KCNIP4: variants seen among roughly 807,000 people sequenced by gnomAD.
The protein encoded by KCNIP4 is Kv channel-interacting protein 4.
KCNIP4 carries 12 observed loss-of-function variants against 34.0 expected under a neutral mutation model. The ratio of observed to expected loss-of-function variants is 0.35; its 90% CI spans 0.23 to 0.57. The LOEUF is 0.57. KCNIP4 is among the 20% of genes least tolerant of loss of function. The pLI is 0.83. For synonymous variants in KCNIP4, 124 were observed against 102.2 expected (o/e 1.21, Z -1.29); for missense variants, 238 against 311.7 (o/e 0.76, Z 1.78).
chr4:21,159,242 TGTGTCATTG>T (rs1348795631), intron 1 of KCNIP4, among the ~76,000 whole-genome samples: 1 of 152,186 alleles, frequency 6.6e-6, no homozygotes, highest in East Asian at 1.9e-4. Flanking sequence ...TAATATAGTG[TGTGTCATTG>T]GTGTAATAAA....
At chr4:20,972,279 GT>G (rs1735033184) in intron 1 of KCNIP4, among the ~76,000 whole-genome samples, 1 of 152,150 alleles carries the variant, frequency 6.6e-6, no homozygotes, top group African/African-American at 2.4e-5. Context: ...TTTCCAGAAA[GT>G]TTTCAATTTA....
chr4:21,345,357 A>T (rs1717185344), intron 1 of KCNIP4, among the ~76,000 whole-genome samples: 1 of 152,150 alleles, frequency 6.6e-6, no homozygotes, highest in African/African-American at 2.4e-5. Context: ...CTGCAACTTC[A>T]TGGGAGATCC....
At chr4:21,946,424 G>A (rs758538213) in intron 1 of KCNIP4, among the ~76,000 whole-genome samples, 10 of 152,088 alleles carry the variant, frequency 6.6e-5, no homozygotes, top group Non-Finnish European at 1.3e-4. Flanking sequence ...CTACTTATTG[G>A]AAAGAGAACA....
At position 20,745,449 on chromosome 4, in the gene KCNIP4, CTT is replaced by C. The variant is rs1195760607; in HGVS notation, c.429+4211_429+4212del. 1.1e-4 allele frequency among the ~76,000 whole-genome samples: 16 copies of C among 152,088 alleles called. No homozygotes were observed. The South Asian group carries it at 2.1e-3, about 20-fold the overall frequency. On this transcript the variant is annotated intron_variant, in intron 5 of 8. Transcript: ENST00000382152. ...TTTCGTGCAAAAGAAAAATGAGAAA[CTT>C]AATGTGGCTTATAAGACTTTTGCTC...
intron 1 of KCNIP4, among the ~76,000 whole-genome samples, chr4:21,202,028 A>T (rs1355175659): frequency 6.6e-6 from 1 of 152,244 alleles, no homozygotes; most frequent in Admixed American, 6.5e-5. Flanking sequence ...GGGAATGTGA[A>T]TTAGTTCAGC....
intron 1 of KCNIP4, 28 bp from the exon 2 acceptor site, chr4:20,882,737 A>G (rs1252895288): frequency 1.3e-6 from 2 of 1,554,194 alleles, no homozygotes; most frequent in Non-Finnish European, 1.8e-6. Context: ...AGTTCTGTTA[A>G]TGCTGTCTGC....
intron 1 of KCNIP4, among the ~76,000 whole-genome samples, chr4:21,068,321 T>C (rs1346501591): frequency 3.9e-5 from 6 of 152,206 alleles, no homozygotes; most frequent in African/African-American, 1.2e-4. Context: ...TTCCACTTAG[T>C]AGCTAAAGGG....
rs564212127 is a variant in KCNIP4 at position 21,240,525 on chromosome 4, C to G, written c.62-357816G>C. Among the ~76,000 whole-genome samples, 3 of 152,254 alleles carry G rather than the reference C, an allele frequency of 2.0e-5. No individual in the cohort carries two copies. The South Asian group carries it at 6.2e-4, about 32-fold the overall frequency. On this transcript the variant is annotated intron_variant, in intron 1 of 8. Transcript: ENST00000382152. ...GAAATCCAGTCTCATCAGCAAGTTA[C>G]TCAGGCAAATAATTTTTTCACCAGC...
At chr4:21,928,758 T>C (rs1729404434) in intron 1 of KCNIP4, among the ~76,000 whole-genome samples, 2 of 152,090 alleles carry the variant, frequency 1.3e-5, no homozygotes. Context: ...CTGAAAATGA[T>C]GCTTCCTCCT....
intron 1 of KCNIP4, among the ~76,000 whole-genome samples, chr4:21,827,069 T>TC (rs1167424222): frequency 3.3e-5 from 5 of 151,430 alleles, no homozygotes; most frequent in Non-Finnish European, 5.9e-5. Flanking sequence ...ATATAGTAGA[T>TC]CCCCCCTAAA....
At chr4:21,197,412 T>C (rs1577871855) in intron 1 of KCNIP4, among the ~76,000 whole-genome samples, 1 of 152,184 alleles carries the variant, frequency 6.6e-6, no homozygotes, top group East Asian at 1.9e-4. Context: ...TTGTCTTCAA[T>C]ACAGCACGTT....
At chr4:21,553,261 C>T (rs946074011) in intron 1 of KCNIP4, among the ~76,000 whole-genome samples, 13 of 152,192 alleles carry the variant, frequency 8.5e-5, no homozygotes, top group African/African-American at 3.1e-4. Flanking sequence ...CTTCAAACTG[C>T]CATTCACTTC....
chr4:20,911,743 T>C (rs1307452414), intron 1 of KCNIP4, among the ~76,000 whole-genome samples: 1 of 152,192 alleles, frequency 6.6e-6, no homozygotes, highest in Non-Finnish European at 1.5e-5. Context: ...TCACACTCTA[T>C]TTTAAACCCA....
intron 1 of KCNIP4, among the ~76,000 whole-genome samples, chr4:21,825,737 A>G (rs895256808): frequency 1.1e-4 from 17 of 152,160 alleles, no homozygotes; most frequent in Admixed American, 2.6e-4. Context: ...GCTCACGGTT[A>G]CCTACTAGGT....
At chr4:21,541,220 A>G (rs945904645) in intron 1 of KCNIP4, among the ~76,000 whole-genome samples, 1 of 151,880 alleles carries the variant, frequency 6.6e-6, no homozygotes, top group African/African-American at 2.4e-5. Flanking sequence ...GAGATGAAAA[A>G]ATTACAGAGA....
chr4:21,544,011 A>G (rs1737924738), intron 1 of KCNIP4, among the ~76,000 whole-genome samples: 1 of 152,158 alleles, frequency 6.6e-6, no homozygotes, highest in African/African-American at 2.4e-5. Flanking sequence ...ATGTTATAAT[A>G]CTGTTAAATT....
At chr4:21,120,764 G>A (rs570632437) in intron 1 of KCNIP4, among the ~76,000 whole-genome samples, 1 of 152,144 alleles carries the variant, frequency 6.6e-6, no homozygotes, top group Non-Finnish European at 1.5e-5. Flanking sequence ...TGAGATTTGG[G>A]TGGGGACACA....
intron 1 of KCNIP4, among the ~76,000 whole-genome samples, chr4:21,534,205 C>G (rs1736964630): frequency 6.6e-6 from 1 of 152,126 alleles, no homozygotes; most frequent in South Asian, 2.1e-4. Flanking sequence ...ACACATATAT[C>G]AAATGTTAGC....
At chr4:21,571,741 A>G (rs1740383887) in intron 1 of KCNIP4, among the ~76,000 whole-genome samples, 1 of 152,164 alleles carries the variant, frequency 6.6e-6, no homozygotes, top group African/African-American at 2.4e-5. Flanking sequence ...GACAGTACTA[A>G]CAGAAAATCC....
Sources: gnomAD v4.1 joint callset for allele counts (sites outside exome capture counted in the v4.1 genomes callset) on GRCh38, gnomAD v4.1.1 for gene constraint, MANE v1.5 for transcripts, NCBI Gene and HGNC (gene_info 2026-07-23, HGNC 2026-07-21) for gene names.